SBF2: variants seen among roughly 807,000 people sequenced by gnomAD.
SBF2 encodes the protein myotubularin-related protein 13.
SBF2 carries 112 observed loss-of-function variants against 225.2 expected under a neutral mutation model. The observed-to-expected ratio is 0.50, with a 90% CI of 0.43 to 0.58. SBF2 has a LOEUF of 0.58. Ranked by LOEUF, SBF2 falls within the 20% of genes least tolerant of loss-of-function variation. The probability of loss-of-function intolerance (pLI) is 0.00; values close to 1 mark genes in which losing one functional copy is unlikely to be tolerated. For missense variants in SBF2, 1,996 were observed against 2,206.2 expected, an observed-to-expected ratio of 0.90 and a Z score of 1.91; for synonymous variants, 763 against 773.3, an observed-to-expected ratio of 0.99 and a Z score of 0.22.
intron 2 of SBF2, among the ~76,000 whole-genome samples, chr11:10,170,865 A>T (rs552945539): frequency 6.6e-6 from 1 of 151,302 alleles, no homozygotes; most frequent in South Asian, 2.1e-4. Context: ...GAGATCTTTC[A>T]CTTCTTTGGT....
chr11:9,984,575 A>G (rs969451061), intron 13 of SBF2, among the ~76,000 whole-genome samples: 1 of 152,224 alleles, frequency 6.6e-6, no homozygotes, highest in African/African-American at 2.4e-5. Flanking sequence ...CAAGCAGCAC[A>G]AAGAACACCT....
chr11:9,805,428 C>T (rs1190851164), intron 32 of SBF2, among the ~76,000 whole-genome samples: 1 of 152,070 alleles, frequency 6.6e-6, no homozygotes, highest in Non-Finnish European at 1.5e-5. Flanking sequence ...TAGCCATTCA[C>T]CTACTGTAGG....
At chr11:9,845,979 A>T (rs900167476) in intron 23 of SBF2, among the ~76,000 whole-genome samples, 2 of 152,186 alleles carry the variant, frequency 1.3e-5, no homozygotes, top group Non-Finnish European at 2.9e-5. Flanking sequence ...CTTTAAGATT[A>T]TTTCTTCTAC....
In SBF2 at chr11:9,963,788, A is replaced by G. The variant is rs926126752; in HGVS notation, c.1695T>C (p.Ile565=). ...ATTTTATTACCTTTTCAGTTTCCAAAATTTTATTTTCAAATATGAATGAGA... is the reference window on the plus strand; with the variant it reads ...ATTTTATTACCTTTTCAGTTTCCAAGATTTTATTTTCAAATATGAATGAGA... ...NCISFIFENK[I]LETEKTLPAA... The change falls in exon 15 of 40, where the codon ATT becomes ATC. Residue 565 remains isoleucine, a synonymous_variant. Transcript: ENST00000256190. 2 of 1,575,924 alleles carry G rather than the reference A, an allele frequency of 1.3e-6. No individual in the cohort carries two copies. The highest frequency in any genetic ancestry group is 1.7e-6 in the Non-Finnish European group (2 of 1,148,394).
chr11:9,933,577 T>C (rs901076536), intron 16 of SBF2, among the ~76,000 whole-genome samples: 3 of 151,996 alleles, frequency 2.0e-5, no homozygotes, highest in African/African-American at 7.3e-5. Flanking sequence ...CATAACGAAA[T>C]GAAGGCAGAA....
intron 2 of SBF2, among the ~76,000 whole-genome samples, chr11:10,083,248 G>T (rs553735232): frequency 6.2e-4 from 95 of 152,212 alleles, no homozygotes; most frequent in African/African-American, 2.2e-3. Context: ...ACAAACAAAT[G>T]TAAGAACATC....
intron 1 of SBF2, among the ~76,000 whole-genome samples, chr11:10,272,761 T>C (rs1367557319): frequency 7.6e-6 from 1 of 131,270 alleles, no homozygotes; most frequent in Non-Finnish European, 1.7e-5. Context: ...CCAGACCTTG[T>C]CTTAAAATAA....
intron 13 of SBF2, among the ~76,000 whole-genome samples, chr11:9,983,890 C>T (rs968840340): frequency 3.3e-5 from 5 of 152,298 alleles, no homozygotes; most frequent in South Asian, 4.1e-4. Flanking sequence ...GAGTACTACA[C>T]CAAGAGAACA....
At chr11:9,840,100 G>A (rs1464087754) in intron 25 of SBF2, among the ~76,000 whole-genome samples, 3 of 152,032 alleles carry the variant, frequency 2.0e-5, no homozygotes, top group African/African-American at 4.8e-5. Context: ...CAGGTGTGGC[G>A]GCAGGCACCT....
In SBF2 at chr11:9,963,819, T is replaced by C. The variant is rs780595759; in HGVS notation, c.1664A>G (p.Asn555Ser). The C allele has an allele frequency of 3.7e-6, 6 of 1,610,564 alleles. No individual in the cohort carries two copies. In the South Asian group the frequency reaches 6.6e-5, roughly 18 times the overall value. Reference sequence around the variant, plus strand: ...ATTTTCAAATATGAATGAGATACAGTTTCTGACAACTTCTAGTCTTTGTGC... The same window carrying C: ...ATTTTCAAATATGAATGAGATACAGCTTCTGACAACTTCTAGTCTTTGTGC... ...NSAQRLEVVR[N>S]CISFIFENKI... is the part of the protein sequence containing the mutation. Residue 555 changes from asparagine (N) to serine (S), a missense_variant, in exon 15 of 40, where the codon AAC becomes AGC. Asn to Ser is a conservative substitution (Grantham distance 46). Coordinates refer to ENST00000256190, the MANE Select transcript of SBF2 (RefSeq NM_030962.4).
chr11:10,166,892 T>G (rs779357060), intron 2 of SBF2, among the ~76,000 whole-genome samples: 5 of 150,690 alleles, frequency 3.3e-5, no homozygotes, highest in South Asian at 2.1e-4. Context: ...AGCCCGGAAG[T>G]CAGAGGTTGC....
At chr11:10,023,954 T>C (rs929629848) in intron 6 of SBF2, among the ~76,000 whole-genome samples, 3 of 152,120 alleles carry the variant, frequency 2.0e-5, no homozygotes, top group African/African-American at 7.2e-5. Context: ...ACAAATATCA[T>C]CCAGAAAGTT....
At chr11:9,938,798 T>C (rs934474368) in intron 16 of SBF2, among the ~76,000 whole-genome samples, 4 of 151,884 alleles carry the variant, frequency 2.6e-5, no homozygotes, top group African/African-American at 7.3e-5. Context: ...TATATCTTGA[T>C]GAAGAAAATG....
At chr11:10,268,601 C>G (rs11042709) in intron 1 of SBF2, among the ~76,000 whole-genome samples, 3,229 of 152,278 alleles carry the variant, frequency 0.021, 85 homozygotes, top group African/African-American at 0.064. Flanking sequence ...AGCCCTTCAA[C>G]TGTCTACTCA....
intron 6 of SBF2, among the ~76,000 whole-genome samples, chr11:10,006,981 C>A (rs1374177909): frequency 2.6e-5 from 4 of 152,130 alleles, no homozygotes; most frequent in African/African-American, 7.2e-5. Flanking sequence ...CCAAGGCCGT[C>A]GGCACAAGAG....
intron 2 of SBF2, among the ~76,000 whole-genome samples, chr11:10,162,948 G>A (rs937158754): frequency 2.0e-5 from 3 of 152,080 alleles, no homozygotes; most frequent in African/African-American, 7.2e-5. Flanking sequence ...TGAGTCTTTA[G>A]ACTAGTTTTA....
chr11:10,235,211 T>C (rs1014094574), intron 1 of SBF2, among the ~76,000 whole-genome samples: 20 of 152,208 alleles, frequency 1.3e-4, no homozygotes, highest in African/African-American at 4.6e-4. Flanking sequence ...ATACTTCCTT[T>C]TTTAAGTGAA....
intron 1 of SBF2, among the ~76,000 whole-genome samples, chr11:10,204,184 A>C (rs1057081799): frequency 2.6e-5 from 4 of 151,538 alleles, no homozygotes; most frequent in Admixed American, 6.6e-5. Flanking sequence ...CAGACTTCTC[A>C]TTATAAACAG....
intron 1 of SBF2, among the ~76,000 whole-genome samples, chr11:10,209,661 T>C (rs1056328917): frequency 6.6e-6 from 1 of 151,970 alleles, no homozygotes; most frequent in African/African-American, 2.4e-5. Flanking sequence ...CAAATTGGGA[T>C]TTTCTATTAT....
Sources: allele counts gnomAD v4.1 joint callset (sites outside exome capture counted in the v4.1 genomes callset), GRCh38; gene constraint gnomAD v4.1.1; transcripts MANE v1.5; gene names NCBI Gene and HGNC (gene_info 2026-07-23, HGNC 2026-07-21).